Variants in RGS6 observed in about 807,000 individuals in gnomAD.
RGS6 encodes the protein regulator of G protein signaling 6, also known as regulator of G-protein signaling 6.
RGS6 carries 30 observed loss-of-function variants against 78.5 expected under a neutral mutation model. The ratio of observed to expected loss-of-function variants is 0.38; its 90% CI spans 0.29 to 0.52. RGS6 has a LOEUF of 0.52. RGS6 is among the 20% of genes least tolerant of loss of function. RGS6 has a pLI of 0.85. For synonymous variants in RGS6, 206 were observed against 206.0 expected (o/e 1.00, Z 0.00); for missense variants, 495 against 609.7 (o/e 0.81, Z 1.98).
the RGS6 span, among the ~76,000 whole-genome samples, chr14:71,915,395 T>G: frequency 6.6e-6 from 1 of 152,198 alleles, no homozygotes; most frequent in Admixed American, 6.5e-5. Context: ...TGTCTTCCTG[T>G]GTAGCAGACG....
At chr14:72,570,771 C>T (rs558875181), downstream of RGS6, among the ~76,000 whole-genome samples, 31 of 152,240 alleles carry the variant, frequency 2.0e-4, no homozygotes, top group African/African-American at 3.4e-4. Flanking sequence ...GTCCCCTCAG[C>T]GAGAGATCTA....
chr14:71,915,358 T>G, the RGS6 span, among the ~76,000 whole-genome samples: 1 of 152,202 alleles, frequency 6.6e-6, no homozygotes, highest in Admixed American at 6.5e-5. Context: ...CCCCACCCTT[T>G]CCATTATCCC....
Position 72,064,293 on chromosome 14 carries a change from A to C in RGS6, c.84+99418A>C, listed in dbSNP as rs570579758. Among the ~76,000 whole-genome samples the C allele has an allele frequency of 3.9e-5, 6 of 152,256 alleles. No individual in the cohort carries two copies. The South Asian group carries it at 1.2e-3, about 32-fold the overall frequency. On this transcript the variant is annotated intron_variant, in intron 2 of 17. Coordinates refer to ENST00000553525, the MANE Select transcript of RGS6 (RefSeq NM_001204424.2). ...CGGACCATGGAGAGGAGGTCAAGTC[A>C]ATGGATCCAGAGGGCACTGATGCCA... is the stretch of plus-strand genomic sequence containing the variant.
chr14:72,111,341 C>A (rs1318302518), intron 2 of RGS6, among the ~76,000 whole-genome samples: 1 of 152,108 alleles, frequency 6.6e-6, no homozygotes, highest in African/African-American at 2.4e-5. Flanking sequence ...TCTTCCAGGA[C>A]AATCAGAAAC....
At chr14:72,425,328 G>A (rs918115579) in intron 3 of RGS6, among the ~76,000 whole-genome samples, 1 of 151,974 alleles carries the variant, frequency 6.6e-6, no homozygotes, top group Non-Finnish European at 1.5e-5. Flanking sequence ...TAGTAGAGAC[G>A]GGGTTTCACC....
Position 72,472,905 on chromosome 14 carries a change from A to G in RGS6, c.570A>G (p.Lys190=). Residue 190 remains lysine (K), a synonymous_variant, in exon 9 of 18, where the codon AAA becomes AAG. Coordinates refer to ENST00000553525, the MANE Select transcript of RGS6 (RefSeq NM_001204424.2). ...IDRKKDKTER[K]ILDSQERAFW... ...GGAAAAAAGACAAGACAGAAAGGAA[A>G]ATTTTGGATAGTCAAGAACGAGCCT... The G allele has an allele frequency of 6.2e-7, 1 of 1,613,474 alleles. No homozygotes were observed. The highest frequency in any genetic ancestry group is 8.5e-7 in the Non-Finnish European group (1 of 1,179,706).
chr14:71,887,764 T>C, the RGS6 span, among the ~76,000 whole-genome samples: 1 of 152,354 alleles, frequency 6.6e-6, no homozygotes, highest in Non-Finnish European at 1.5e-5. Flanking sequence ...TCAGTGGTTC[T>C]GTTTTTGCCC....
At chr14:71,913,525 G>A in the RGS6 span, among the ~76,000 whole-genome samples, 4 of 152,198 alleles carry the variant, frequency 2.6e-5, no homozygotes, top group African/African-American at 9.7e-5. Context: ...GTAGTCATTC[G>A]CCTCCCACAT....
At chr14:72,463,628 A>G (rs2095836256) in intron 6 of RGS6, among the ~76,000 whole-genome samples, 1 of 152,218 alleles carries the variant, frequency 6.6e-6, no homozygotes, top group African/African-American at 2.4e-5. Flanking sequence ...AGTCAAATCC[A>G]GGTTAGCCTT....
At chr14:72,156,073 A>C (rs2096765961) in intron 2 of RGS6, among the ~76,000 whole-genome samples, 1 of 152,202 alleles carries the variant, frequency 6.6e-6, no homozygotes, top group South Asian at 2.1e-4. Flanking sequence ...TTTACAGTCT[A>C]CCTGAGTAAT....
At chr14:71,918,894 T>C in the RGS6 span, among the ~76,000 whole-genome samples, 1 of 152,176 alleles carries the variant, frequency 6.6e-6, no homozygotes, top group African/African-American at 2.4e-5. Flanking sequence ...AGCAAATATA[T>C]ATGGTAAGCA....
chr14:72,468,448 C>T (rs1242689586), intron 7 of RGS6, among the ~76,000 whole-genome samples: 1 of 151,600 alleles, frequency 6.6e-6, no homozygotes, highest in Non-Finnish European at 1.5e-5. Flanking sequence ...GATTCAAAAC[C>T]AAAAAAGCAT....
At chr14:72,006,387 C>G (rs754515691) in intron 2 of RGS6, among the ~76,000 whole-genome samples, 1 of 152,178 alleles carries the variant, frequency 6.6e-6, no homozygotes, top group South Asian at 2.1e-4. Flanking sequence ...TGATGACAGA[C>G]GCGACCATAT....
At chr14:71,947,268 G>GTTGGCA (rs1052136024) in intron 1 of RGS6, among the ~76,000 whole-genome samples, 1 of 152,106 alleles carries the variant, frequency 6.6e-6, no homozygotes, top group Admixed American at 6.5e-5. Context: ...ATTTAACTTA[G>GTTGGCA]TTGGCATGAC....
chr14:72,400,426 G>A (rs990014953), intron 3 of RGS6, among the ~76,000 whole-genome samples: 6 of 152,092 alleles, frequency 3.9e-5, no homozygotes. Context: ...CCCACCTCCT[G>A]ATTTTTATAG....
chr14:71,929,205 C>G (rs939700246), upstream of RGS6, among the ~76,000 whole-genome samples: 2 of 152,152 alleles, frequency 1.3e-5, no homozygotes, highest in African/African-American at 4.8e-5. Context: ...TCCACAGAAT[C>G]CACTGATTGT....
At chr14:72,221,836 G>C (rs1265192918) in intron 2 of RGS6, among the ~76,000 whole-genome samples, 1 of 152,144 alleles carries the variant, frequency 6.6e-6, no homozygotes, top group East Asian at 1.9e-4. Context: ...AGTTGGCTTA[G>C]GCCAGTAGGG....
intron 2 of RGS6, among the ~76,000 whole-genome samples, chr14:72,127,124 G>A (rs2096213426): frequency 6.6e-6 from 1 of 152,144 alleles, no homozygotes; most frequent in Non-Finnish European, 1.5e-5. Context: ...TAAAGAGACT[G>A]CCATAAACTC....
chr14:72,551,005 A>G (rs560701953), intron 17 of RGS6, among the ~76,000 whole-genome samples: 98 of 152,128 alleles, frequency 6.4e-4, no homozygotes, highest in African/African-American at 2.2e-3. Context: ...ACACTCAACT[A>G]ATTTTTGTAC....
Sources: gnomAD v4.1 joint callset for allele counts (sites outside exome capture counted in the v4.1 genomes callset) on GRCh38, gnomAD v4.1.1 for gene constraint, MANE v1.5 for transcripts, NCBI Gene and HGNC (gene_info 2026-07-23, HGNC 2026-07-21) for gene names.